KCND2: variants seen among roughly 807,000 people sequenced by gnomAD.
KCND2 encodes A-type voltage-gated potassium channel KCND2.
Under a neutral mutation model 54.4 loss-of-function variants are expected in KCND2, and 16 were observed. The observed-to-expected ratio is 0.29, with a 90% CI of 0.20 to 0.45. KCND2 has a LOEUF of 0.45. Among genes scored for constraint, KCND2 ranks in the 20% least tolerant of loss-of-function variants. KCND2 has a pLI of 1.00. For synonymous variants in KCND2, 317 were observed against 310.7 expected (o/e 1.02, Z -0.21); for missense variants, 486 against 824.2 (o/e 0.59, Z 5.02).
chr7:120,659,323 G>A (rs1791839635), intron 1 of KCND2, among the ~76,000 whole-genome samples: 1 of 152,054 alleles, frequency 6.6e-6, no homozygotes, highest in African/African-American at 2.4e-5. Context: ...AAAGAGGGGA[G>A]AGCTCCCTCT....
At chr7:120,621,961 AG>A (rs1793104555) in intron 1 of KCND2, among the ~76,000 whole-genome samples, 1 of 151,932 alleles carries the variant, frequency 6.6e-6, no homozygotes, top group Non-Finnish European at 1.5e-5. Context: ...ATAAAAAAGA[AG>A]GTTTTTTTGT....
intron 1 of KCND2, among the ~76,000 whole-genome samples, chr7:120,277,679 A>G (rs1394493962): frequency 1.3e-5 from 2 of 152,038 alleles, no homozygotes; most frequent in Non-Finnish European, 2.9e-5. Flanking sequence ...GCATTATTTT[A>G]AAACTTGTTT....
chr7:120,355,362 T>C (rs1266826315), intron 1 of KCND2, among the ~76,000 whole-genome samples: 1 of 151,982 alleles, frequency 6.6e-6, no homozygotes, highest in Non-Finnish European at 1.5e-5. Flanking sequence ...GCCTGGCCAA[T>C]ACGGTGAAAC....
intron 1 of KCND2, among the ~76,000 whole-genome samples, chr7:120,517,573 C>T (rs1803214529): frequency 6.6e-6 from 1 of 152,006 alleles, no homozygotes; most frequent in African/African-American, 2.4e-5. Flanking sequence ...TGATCTGAAC[C>T]TCTCAGTGTA....
chr7:120,326,677 T>C (rs1799983544), intron 1 of KCND2, among the ~76,000 whole-genome samples: 1 of 152,146 alleles, frequency 6.6e-6, no homozygotes, highest in Non-Finnish European at 1.5e-5. Flanking sequence ...ATATTTTTCT[T>C]CCACATGTTC....
At chr7:120,693,678 T>A (rs1792299621) in intron 1 of KCND2, among the ~76,000 whole-genome samples, 1 of 152,066 alleles carries the variant, frequency 6.6e-6, no homozygotes, top group African/African-American at 2.4e-5. Flanking sequence ...ACCACCCCAA[T>A]TAATCCTCAC....
chr7:120,382,975 A>C (rs1457391598), intron 1 of KCND2, among the ~76,000 whole-genome samples: 1 of 151,994 alleles, frequency 6.6e-6, no homozygotes, highest in Non-Finnish European at 1.5e-5. Context: ...AAACGTTCTC[A>C]TAATCTTAAA....
In KCND2 at chr7:120,385,872, A is replaced by T. The variant is rs1010541799; in HGVS notation, c.1115+110125A>T. Among the ~76,000 whole-genome samples the T allele has an allele frequency of 9.9e-5, 15 of 152,238 alleles. No homozygotes were observed. The South Asian group carries it at 2.9e-3, about 29-fold the overall frequency. On this transcript the variant is annotated intron_variant, in intron 1 of 5. Coordinates refer to ENST00000331113, the MANE Select transcript of KCND2 (RefSeq NM_012281.3). ...ATGCATTGGTTTCCAGCCGTTCTTC[A>T]TTGAGCTCTTTTCATTCCAGCCCAT...
intron 1 of KCND2, among the ~76,000 whole-genome samples, chr7:120,604,775 T>TATC (rs149876960): frequency 0.067 from 10,193 of 151,938 alleles, 406 homozygotes; most frequent in African/African-American, 0.11. Flanking sequence ...ACAAGAAAAA[T>TATC]TTTTTTATGG....
At chr7:120,668,517 A>G (rs1256075333) in intron 1 of KCND2, among the ~76,000 whole-genome samples, 1 of 151,910 alleles carries the variant, frequency 6.6e-6, no homozygotes, top group Non-Finnish European at 1.5e-5. Flanking sequence ...ATTTTTTTTG[A>G]TTTTTCAAAA....
Position 120,730,413 on chromosome 7 carries a change from C to T in KCND2, c.1116-2490C>T, listed in dbSNP as rs1792790509. Among the ~76,000 whole-genome samples the T allele has an allele frequency of 2.6e-5, 4 of 152,270 alleles. No individual in the cohort carries two copies. In the South Asian group the frequency reaches 8.3e-4, roughly 32 times the overall value. ...TAAAAAGGAGTTGACCTTCCAATCC[C>T]ACTGACATACCTCTACAGTAAGAAT... On this transcript the variant is annotated intron_variant, in intron 1 of 5. Transcript: ENST00000331113.
rs1584904899 is a variant in KCND2 at position 120,745,858 on chromosome 7, A to G, written c.1546A>G (p.Ser516Gly). ...VATVNRPSSH[S>G]PSLSSQQGVT... is the part of the protein sequence containing the mutation. The stretch of plus-strand genomic sequence containing the variant: ...AACTGTTAATCGTCCTTCAAGTCAC[A>G]GTCCTTCACTGTCTTCACAACAAGG... The change falls in exon 5 of 6, where the codon AGT (serine) becomes GGT (glycine). Residue 516 changes from serine (S) to glycine (G), a missense_variant. This residue lies in a region of KCND2 where 202 missense variants were observed against 252.7 expected (regional missense o/e 0.80). Transcript: ENST00000331113. 1.9e-6 allele frequency: 3 copies of G among 1,613,916 alleles called. No homozygotes were observed. The highest frequency in any genetic ancestry group is 2.7e-5 in the African/African-American group (2 of 75,036).
rs1407094643 is a variant in KCND2 at position 120,275,751 on chromosome 7, G to A, written c.1115+4G>A. On this transcript the variant is annotated splice_donor_region_variant and intron_variant, in intron 1 of 5. Coordinates refer to ENST00000331113, the MANE Select transcript of KCND2 (RefSeq NM_012281.3). ...TCGTCACCATGACAACACTAGGGTA[G>A]GTGCCATAATGGGAAATGGGATGGA... 6.2e-6 allele frequency: 10 copies of A among 1,600,036 alleles called. No homozygotes were observed. The highest frequency in any genetic ancestry group is 1.3e-5 in the African/African-American group (1 of 74,894).
At chr7:120,619,248 G>A (rs1793067745) in intron 1 of KCND2, among the ~76,000 whole-genome samples, 1 of 152,116 alleles carries the variant, frequency 6.6e-6, no homozygotes, top group South Asian at 2.1e-4. Context: ...TGGGAAACAT[G>A]GCAAAACTCC....
chr7:120,620,682 A>G (rs574306208), intron 1 of KCND2, among the ~76,000 whole-genome samples: 5 of 152,316 alleles, frequency 3.3e-5, no homozygotes, highest in African/African-American at 1.2e-4. Context: ...TCTTGATCCA[A>G]ATAAGTGTGA....
At chr7:120,606,468 G>C (rs1344729443) in intron 1 of KCND2, among the ~76,000 whole-genome samples, 1 of 152,030 alleles carries the variant, frequency 6.6e-6, no homozygotes, top group Admixed American at 6.6e-5. Flanking sequence ...CGATATCACA[G>C]AGTTGCACCT....
intron 1 of KCND2, among the ~76,000 whole-genome samples, chr7:120,497,717 G>A (rs763963917): frequency 3.9e-5 from 6 of 152,160 alleles, no homozygotes; most frequent in Admixed American, 6.6e-5. Flanking sequence ...TACAGAGGTC[G>A]GAGCACTAGT....
chr7:120,562,342 G>A (rs1356038564), intron 1 of KCND2, among the ~76,000 whole-genome samples: 1 of 152,154 alleles, frequency 6.6e-6, no homozygotes, highest in Non-Finnish European at 1.5e-5. Flanking sequence ...AAGAACAAGG[G>A]CATGTTTCAC....
intron 1 of KCND2, among the ~76,000 whole-genome samples, chr7:120,712,778 T>C (rs1203569264): frequency 6.6e-6 from 1 of 152,168 alleles, no homozygotes; most frequent in Non-Finnish European, 1.5e-5. Flanking sequence ...TCTGAAGTGA[T>C]GGCTCAGCCT....
Sources: gnomAD v4.1 joint callset for allele counts (sites outside exome capture counted in the v4.1 genomes callset) on GRCh38, gnomAD v4.1.1 for gene constraint, gnomAD v4.1.1 regional missense constraint, MANE v1.5 for transcripts, NCBI Gene and HGNC (gene_info 2026-07-23, HGNC 2026-07-21) for gene names.